The following PTPRD variants were observed in gnomAD, a reference collection of about 807,000 sequenced individuals.
PTPRD encodes the protein protein tyrosine phosphatase receptor type D, also known as receptor-type tyrosine-protein phosphatase delta.
In PTPRD, 34 loss-of-function variants were observed where a neutral mutation model predicts 214.5. That is an observed-to-expected ratio of 0.16 (90% CI 0.12 to 0.21). PTPRD has a LOEUF of 0.21. Ranked by LOEUF, PTPRD falls within the 10% of genes least tolerant of loss-of-function variation. The pLI is 1.00. For synonymous variants in PTPRD, 1,128 were observed against 845.7 expected (o/e 1.33, Z -5.79); for missense variants, 2,545 against 2,398.7 (o/e 1.06, Z -1.27).
intron 11 of PTPRD, among the ~76,000 whole-genome samples, chr9:8,837,171 T>A (rs1213841433): frequency 6.6e-6 from 1 of 151,710 alleles, no homozygotes; most frequent in Non-Finnish European, 1.5e-5. Context: ...GATTACACCA[T>A]GACCAGCTAA....
intron 12 of PTPRD, among the ~76,000 whole-genome samples, chr9:8,668,933 C>G (rs185586664): frequency 6.6e-6 from 1 of 152,244 alleles, no homozygotes; most frequent in East Asian, 1.9e-4. Context: ...CAGAGCAGAT[C>G]CTGCTACAAG....
intron 5 of PTPRD, among the ~76,000 whole-genome samples, chr9:9,888,359 T>C (rs1220588144): frequency 6.6e-6 from 1 of 152,198 alleles, no homozygotes; most frequent in Non-Finnish European, 1.5e-5. Flanking sequence ...AGAGGACTAC[T>C]GCCATCATAT....
chr9:9,407,360 T>A (rs1384613381), intron 8 of PTPRD, among the ~76,000 whole-genome samples: 2 of 151,764 alleles, frequency 1.3e-5, no homozygotes, highest in African/African-American at 4.8e-5. Flanking sequence ...AGGTTGTTTC[T>A]ACCTAACATG....
At chr9:9,053,078 T>C (rs79037178) in intron 10 of PTPRD, among the ~76,000 whole-genome samples, 2,771 of 152,286 alleles carry the variant, frequency 0.018, 46 homozygotes, top group Non-Finnish European at 0.023. Flanking sequence ...ATAAGCTTTA[T>C]ATCTTAGATA....
chr9:8,826,729 G>A lies in PTPRD; in HGVS notation c.-103-92783C>T, dbSNP rs544969326. On this transcript the variant is annotated intron_variant, in intron 11 of 45. Transcript: ENST00000381196. ...TGGACGGTAAGCCCCTTAATGGCAA[G>A]CATAGTATCTCTTCTGATCACCAGT... 2.0e-5 allele frequency among the ~76,000 whole-genome samples: 3 copies of A among 151,570 alleles called. No homozygotes were observed. The South Asian group carries it at 6.3e-4, about 32-fold the overall frequency.
chr9:10,521,137 T>C (rs1050362587), intron 2 of PTPRD, among the ~76,000 whole-genome samples: 2 of 151,942 alleles, frequency 1.3e-5, no homozygotes, highest in Non-Finnish European at 2.9e-5. Context: ...CCATTCTAGA[T>C]GCCATTAAGA....
intron 7 of PTPRD, among the ~76,000 whole-genome samples, chr9:9,577,838 G>C (rs1003550938): frequency 1.3e-5 from 2 of 151,858 alleles, no homozygotes; most frequent in Admixed American, 6.6e-5. Flanking sequence ...CTGAGGTTGG[G>C]AGTTCAAGAC....
At chr9:8,441,592 T>C (rs1329220591) in intron 34 of PTPRD, among the ~76,000 whole-genome samples, 6 of 151,882 alleles carry the variant, frequency 4.0e-5, no homozygotes, top group Non-Finnish European at 8.8e-5. Flanking sequence ...TGTATGTGAA[T>C]TAGAATCAAG....
chr9:9,555,904 T>C (rs141376470), intron 8 of PTPRD, among the ~76,000 whole-genome samples: 17 of 152,272 alleles, frequency 1.1e-4, no homozygotes, highest in African/African-American at 3.8e-4. Context: ...CTAGAAATTA[T>C]GCATATTAAA....
intron 2 of PTPRD, among the ~76,000 whole-genome samples, chr9:10,506,460 A>T (rs1436516319): frequency 6.6e-6 from 1 of 152,158 alleles, no homozygotes; most frequent in Non-Finnish European, 1.5e-5. Context: ...ACATTTTAAA[A>T]TAACTAAAAT....
intron 9 of PTPRD, among the ~76,000 whole-genome samples, chr9:9,353,362 T>A (rs932836591): frequency 6.6e-6 from 1 of 151,976 alleles, no homozygotes; most frequent in African/African-American, 2.4e-5. Flanking sequence ...TACAGAATTT[T>A]ATAACAGGAA....
intron 9 of PTPRD, among the ~76,000 whole-genome samples, chr9:9,210,762 C>G (rs143238195): frequency 6.6e-6 from 1 of 152,052 alleles, no homozygotes; most frequent in Non-Finnish European, 1.5e-5. Flanking sequence ...GGCCAGGAAA[C>G]AAAGGCAACT....
At chr9:9,986,608 T>C (rs1049266821) in intron 4 of PTPRD, among the ~76,000 whole-genome samples, 1 of 152,168 alleles carries the variant, frequency 6.6e-6, no homozygotes, top group African/African-American at 2.4e-5. Flanking sequence ...TATGTGCATA[T>C]ATTACCTAAA....
chr9:8,363,113 G>T (rs2078918148), intron 39 of PTPRD, among the ~76,000 whole-genome samples: 1 of 152,124 alleles, frequency 6.6e-6, no homozygotes, highest in African/African-American at 2.4e-5. Flanking sequence ...CGTGGTCTCT[G>T]TTTGTCCATA....
At chr9:8,618,408 T>G (rs992282080) in intron 14 of PTPRD, among the ~76,000 whole-genome samples, 9 of 152,078 alleles carry the variant, frequency 5.9e-5, no homozygotes, top group African/African-American at 2.2e-4. Flanking sequence ...ACAAAACTCA[T>G]GCTGGACTGT....
At chr9:10,338,294 C>T (rs1371871401) in intron 3 of PTPRD, among the ~76,000 whole-genome samples, 1 of 151,556 alleles carries the variant, frequency 6.6e-6, no homozygotes, top group Non-Finnish European at 1.5e-5. Context: ...TAATGAGTAA[C>T]ATTCTAGCAA....
intron 10 of PTPRD, among the ~76,000 whole-genome samples, chr9:9,036,461 A>G (rs2154380341): frequency 6.6e-6 from 1 of 152,266 alleles, no homozygotes; most frequent in Non-Finnish European, 1.5e-5. Context: ...TAAATCCTAG[A>G]TGGGATTCTG....
At chr9:8,911,987 C>T in intron 11 of PTPRD, among the ~76,000 whole-genome samples, 1 of 152,050 alleles carries the variant, frequency 6.6e-6, no homozygotes, top group East Asian at 1.9e-4. Context: ...TGACTATATT[C>T]AAAAAGACTA....
At chr9:9,386,832 C>G (rs1047836704) in intron 9 of PTPRD, among the ~76,000 whole-genome samples, 3 of 151,952 alleles carry the variant, frequency 2.0e-5, no homozygotes, top group African/African-American at 7.3e-5. Context: ...TGGATGTACT[C>G]TGGTATTTTA....
Sources: allele counts gnomAD v4.1 joint callset (sites outside exome capture counted in the v4.1 genomes callset), GRCh38; gene constraint gnomAD v4.1.1; transcripts MANE v1.5; gene names NCBI Gene and HGNC (gene_info 2026-07-23, HGNC 2026-07-21).